ECT2L: variants seen among roughly 807,000 people sequenced by gnomAD.
ECT2L encodes the protein epithelial cell-transforming sequence 2 oncogene-like.
Under a neutral mutation model 122.8 loss-of-function variants are expected in ECT2L, and 126 were observed. That is an observed-to-expected ratio of 1.03 (90% confidence interval 0.89 to 1.19). ECT2L has a LOEUF of 1.19. ECT2L is among the 50% of genes most tolerant of loss of function. The pLI, the probability that ECT2L is intolerant of heterozygous loss-of-function variation, is 0.00. For missense variants in ECT2L, 1,012 were observed against 1,064.1 expected (o/e 0.95, Z 0.68); for synonymous variants, 385 against 381.8 (o/e 1.01, Z -0.10).
intron 1 of ECT2L, among the ~76,000 whole-genome samples, chr6:138,809,298 A>G (rs964335115): frequency 1.3e-5 from 2 of 152,160 alleles, no homozygotes; most frequent in African/African-American, 4.8e-5. Flanking sequence ...TGCGGGGCTC[A>G]TACCTGTAAT....
chr6:138,837,927 G>A (rs1355208336), intron 4 of ECT2L, among the ~76,000 whole-genome samples: 3 of 146,680 alleles, frequency 2.0e-5, no homozygotes, highest in East Asian at 4.0e-4. Flanking sequence ...TTGAGACAGA[G>A]TCTTACTCTG....
chr6:138,853,019 G>A (rs1777503079), intron 9 of ECT2L, among the ~76,000 whole-genome samples: 1 of 152,158 alleles, frequency 6.6e-6, no homozygotes, highest in South Asian at 2.1e-4. Context: ...CCAGGCTGGA[G>A]TACAGCGGCA....
At chr6:138,868,342 AAAAT>A (rs1778126902) in intron 13 of ECT2L, 136 bp downstream of exon 13, 1 of 660,722 alleles carries the variant, frequency 1.5e-6, no homozygotes, top group Admixed American at 3.2e-5. Context: ...TCAGTTTATA[AAAAT>A]AGCCACTAAG....
Position 138,886,857 on chromosome 6 carries a change from AT to A in ECT2L, c.2261del (p.Met754ArgfsTer7). On this transcript the variant is annotated frameshift_variant and splice_region_variant, in exon 19 of 22. Transcript: ENST00000541398. LOFTEE classifies it high-confidence loss of function. ...IKKYKGYIDQ[M>X]KQNITMKDHL... is the part of the protein sequence containing the mutation. ...CCTAAAAGTACTTTTTTTCCCCTAG[AT>A]GAAGCAAAACATCACTATGAAGGAT... 6.2e-7 allele frequency: 1 copy of A among 1,612,928 alleles called. No homozygotes were observed. The highest frequency in any genetic ancestry group is 8.5e-7 in the Non-Finnish European group (1 of 1,179,374).
At chr6:138,839,286 T>C (rs949087382) in intron 5 of ECT2L, among the ~76,000 whole-genome samples, 4 of 152,212 alleles carry the variant, frequency 2.6e-5, no homozygotes, top group Non-Finnish European at 5.9e-5. Flanking sequence ...CAACATCTTT[T>C]GCCATTAATT....
chr6:138,855,232 G>C (rs2128395777), intron 10 of ECT2L, among the ~76,000 whole-genome samples: 1 of 152,142 alleles, frequency 6.6e-6, no homozygotes, highest in Admixed American at 6.5e-5. Context: ...TGCTGGTCAG[G>C]TGTGGTGGCT....
Position 138,893,976 on chromosome 6 carries a change from G to A in ECT2L, c.2414+4945G>A, listed in dbSNP as rs115954469. On this transcript the variant is annotated intron_variant, in intron 20 of 21. Transcript: ENST00000541398. ...GATAACTTCAATTCTATAAAGGATC[G>A]GAAAAAAGCTGTTGATTCTGAGTTC... Among the ~76,000 whole-genome samples the A allele has an allele frequency of 9.4e-3, 1,433 of 152,220 alleles. 16 individuals are homozygous for A. Among genetic ancestry groups the A allele is most frequent in the African/African-American group, 0.031 (1,306 of 41,546 alleles).
At chr6:138,868,725 GACACAGATCCAAGGT>G in intron 13 of ECT2L, among the ~76,000 whole-genome samples, 1 of 152,120 alleles carries the variant, frequency 6.6e-6, no homozygotes, top group Non-Finnish European at 1.5e-5. Flanking sequence ...AATTTCATCA[GACACAGATCCAAGGT>G]TCTCTCTCAT....
intron 13 of ECT2L, 94 bp downstream of exon 13, chr6:138,868,300 C>G (rs1778125973): frequency 9.7e-7 from 1 of 1,026,234 alleles, no homozygotes; most frequent in Admixed American, 2.5e-5. Context: ...CAGTTTATCC[C>G]TTTCAGAGCA....
chr6:138,851,804 C>T (rs538643777), intron 9 of ECT2L, among the ~76,000 whole-genome samples: 13 of 152,208 alleles, frequency 8.5e-5, no homozygotes, highest in African/African-American at 3.1e-4. Flanking sequence ...CTTTGATGCA[C>T]AAAAGTTTTA....
chr6:138,883,216 C>T (rs1778702306), intron 16 of ECT2L, among the ~76,000 whole-genome samples: 1 of 152,228 alleles, frequency 6.6e-6, no homozygotes, highest in Non-Finnish European at 1.5e-5. Flanking sequence ...CAAGTTCACT[C>T]TCTCATGTAG....
At chr6:138,883,983 C>A (rs938967422) in intron 16 of ECT2L, among the ~76,000 whole-genome samples, 1 of 152,176 alleles carries the variant, frequency 6.6e-6, no homozygotes, top group African/African-American at 2.4e-5. Context: ...CCCACCTCAG[C>A]CTACCAAGTA....
Position 138,860,890 on chromosome 6 carries a change from CCT to C in ECT2L, c.1199-1736_1199-1735del, listed in dbSNP as rs530927020. The stretch of plus-strand genomic sequence containing the variant: ...TCTCCCTCCCCTTTCCCGCCAACCC[CCT>C]GACAGGCCCCAGTGTGTGATGTTCC... On this transcript the variant is annotated intron_variant, in intron 10 of 21. Transcript: ENST00000541398. Among the ~76,000 whole-genome samples, 310 of 152,134 alleles carry C rather than the reference CCT, an allele frequency of 2.0e-3. 1 individual carries two copies. The highest frequency in any genetic ancestry group is 7.2e-3 in the African/African-American group (299 of 41,492).
Position 138,826,063 on chromosome 6 carries a change from C to G in ECT2L, c.179+11460C>G, listed in dbSNP as rs370737173. ...CCTGTTCAGCTATCCCCGTCTTGAT[C>G]GCTGTTCCACTCACTGACCTTCCAG... On this transcript the variant is annotated intron_variant, in intron 4 of 21. Transcript: ENST00000541398. Among the ~76,000 whole-genome samples, 307 of 152,338 alleles carry G rather than the reference C, an allele frequency of 2.0e-3. 1 individual carries two copies. The highest frequency in any genetic ancestry group is 0.015 in the Admixed American group (236 of 15,302).
intron 20 of ECT2L, among the ~76,000 whole-genome samples, chr6:138,897,257 G>C (rs942564878): frequency 3.3e-5 from 5 of 152,108 alleles, no homozygotes; most frequent in African/African-American, 1.2e-4. Context: ...CAATACTAAA[G>C]ATGAAATTAC....
chr6:138,885,597 G>C lies in ECT2L; in HGVS notation c.2102+18G>C. The C allele has an allele frequency of 6.2e-7, 1 of 1,614,086 alleles. No homozygotes were observed. Among genetic ancestry groups the C allele is most frequent in the Non-Finnish European group, 8.5e-7 (1 of 1,179,956 alleles). ...ATGCTGAGGTACGTTCTGAGGGAGA[G>C]CACAGCAGGGGTCCCCCCAGAGAGG... On this transcript the variant is annotated intron_variant, in intron 17 of 21. Transcript: ENST00000541398.
At chr6:138,897,036 TAAC>T (rs1779240797) in intron 20 of ECT2L, among the ~76,000 whole-genome samples, 1 of 152,218 alleles carries the variant, frequency 6.6e-6, no homozygotes, top group African/African-American at 2.4e-5. Flanking sequence ...TACAGTAGTT[TAAC>T]AACAATAACA....
chr6:138,861,880 T>TGG (rs1777845443), intron 10 of ECT2L, among the ~76,000 whole-genome samples: 1 of 152,240 alleles, frequency 6.6e-6, no homozygotes. Context: ...CAATGAGACT[T>TGG]CTCCTTTGAG....
At chr6:138,863,479 G>A (rs1200258404) in intron 11 of ECT2L, among the ~76,000 whole-genome samples, 1 of 152,192 alleles carries the variant, frequency 6.6e-6, no homozygotes, top group Non-Finnish European at 1.5e-5. Flanking sequence ...TGAAGCAGAG[G>A]TCACTTGCTA....
Sources: gnomAD v4.1 joint callset for allele counts (sites outside exome capture counted in the v4.1 genomes callset) on GRCh38, gnomAD v4.1.1 for gene constraint, MANE v1.5 for transcripts, NCBI Gene and HGNC (gene_info 2026-07-23, HGNC 2026-07-21) for gene names.